IQGAP2: variants seen among roughly 807,000 people sequenced by gnomAD.
IQGAP2 encodes IQ motif containing GTPase activating protein 2.
IQGAP2 carries 173 observed loss-of-function variants against 201.3 expected under a neutral mutation model. The observed-to-expected ratio is 0.86, with a 90% CI of 0.76 to 0.98. The LOEUF (loss-of-function observed/expected upper bound fraction) is 0.98. IQGAP2 is among the 50% of genes least tolerant of loss of function. The pLI is 0.00. For synonymous variants in IQGAP2, 675 were observed against 673.9 expected, an observed-to-expected ratio of 1.00 and a Z score of -0.03; for missense variants, 1,687 against 1,864.8, an observed-to-expected ratio of 0.90 and a Z score of 1.76.
chr5:76,665,752 G>A (rs971916998), intron 22 of IQGAP2, among the ~76,000 whole-genome samples: 2 of 152,200 alleles, frequency 1.3e-5, no homozygotes, highest in African/African-American at 4.8e-5. Context: ...GTGTTGGTGA[G>A]AACTGATAAG....
chr5:76,416,738 G>A (rs536980158), intron 1 of IQGAP2, among the ~76,000 whole-genome samples: 6 of 152,278 alleles, frequency 3.9e-5, no homozygotes, highest in African/African-American at 1.2e-4. Flanking sequence ...ATATTGGCCA[G>A]GCTGGTCTCA....
At chr5:76,620,373 T>C (rs910847062) in intron 13 of IQGAP2, among the ~76,000 whole-genome samples, 1 of 151,994 alleles carries the variant, frequency 6.6e-6, no homozygotes, top group African/African-American at 2.4e-5. Flanking sequence ...TTGGTTCTGA[T>C]TGGCTTTGGG....
rs1747122951 is a variant in IQGAP2 at position 76,597,537 on chromosome 5, G to C, written c.1006G>C (p.Val336Leu). The C allele has an allele frequency of 6.2e-7, 1 of 1,613,786 alleles. No homozygotes were observed. The highest frequency in any genetic ancestry group is 8.5e-7 in the Non-Finnish European group (1 of 1,179,960). ...LKKPEAQLPA[V>L]YPFAAAMYQN... ...GAAACCAGAGGCCCAGCTGCCTGCT[G>C]TTTATCCCTTTGCTGCTGCCATGTA... The change falls in exon 10 of 36, where the codon GTT (valine) becomes CTT (leucine). Residue 336 changes from valine (V) to leucine (L), a missense_variant. Physicochemically the swap from Val to Leu is conservative, Grantham distance 32. Coordinates refer to ENST00000274364, the MANE Select transcript of IQGAP2 (RefSeq NM_006633.5).
intron 1 of IQGAP2, among the ~76,000 whole-genome samples, chr5:76,417,395 T>G (rs1018067125): frequency 6.6e-6 from 1 of 152,118 alleles, no homozygotes; most frequent in Admixed American, 6.5e-5. Flanking sequence ...GTTCAAGTGA[T>G]TCTCCTGCCT....
chr5:76,697,080 T>A (rs1746816488), intron 32 of IQGAP2, among the ~76,000 whole-genome samples: 1 of 152,204 alleles, frequency 6.6e-6, no homozygotes. Flanking sequence ...TGAAAAAAAC[T>A]TATATCTGCA....
chr5:76,668,705 C>T lies in IQGAP2; in HGVS notation c.2704C>T (p.Leu902=). ...LQTNPLYLAK[L]IFQMPQNKST... is the part of the protein sequence containing the mutation. ...GACCAACCCTTTATACTTGGCTAAG[C>T]TGATTTTCCAGATGCCACAGAACAA... The change falls in exon 23 of 36, where the codon CTG becomes TTG. Residue 902 remains leucine (L), a synonymous_variant. Transcript: ENST00000274364. The T allele has an allele frequency of 6.2e-7, 1 of 1,610,444 alleles. No homozygotes were observed. Among genetic ancestry groups the T allele is most frequent in the South Asian group, 1.1e-5 (1 of 89,956 alleles).
intron 2 of IQGAP2, among the ~76,000 whole-genome samples, chr5:76,478,009 T>C (rs1352139207): frequency 2.9e-5 from 4 of 138,608 alleles, no homozygotes; most frequent in African/African-American, 2.7e-5. Context: ...TTCAAAAGTT[T>C]ATAAAGTAAA....
At chr5:76,570,941 T>C (rs1257671622) in intron 4 of IQGAP2, among the ~76,000 whole-genome samples, 1 of 152,104 alleles carries the variant, frequency 6.6e-6, no homozygotes, top group Non-Finnish European at 1.5e-5. Flanking sequence ...CAACTCCCTT[T>C]CTTGTGTTGC....
At chr5:76,700,850 A>G (rs1747315935) in intron 33 of IQGAP2, among the ~76,000 whole-genome samples, 1 of 152,234 alleles carries the variant, frequency 6.6e-6, no homozygotes, top group African/African-American at 2.4e-5. Context: ...TTAGTCTGTA[A>G]TGCAAACTTC....
At chr5:76,620,736 A>T (rs1749573601) in intron 13 of IQGAP2, among the ~76,000 whole-genome samples, 1 of 152,138 alleles carries the variant, frequency 6.6e-6, no homozygotes, top group African/African-American at 2.4e-5. Context: ...TTTAGGGGTA[A>T]TGACAGATTT....
At chr5:76,458,867 T>C (rs1754256550) in intron 1 of IQGAP2, among the ~76,000 whole-genome samples, 1 of 152,158 alleles carries the variant, frequency 6.6e-6, no homozygotes, top group Admixed American at 6.6e-5. Flanking sequence ...CCCGATAAGA[T>C]ATTTTATTTT....
At chr5:76,678,474 A>G (rs969896245) in intron 28 of IQGAP2, among the ~76,000 whole-genome samples, 5 of 152,180 alleles carry the variant, frequency 3.3e-5, no homozygotes, top group African/African-American at 1.2e-4. Context: ...TTTCTTTTTA[A>G]GATCAATTGG....
chr5:76,654,140 ATTACT>A, intron 18 of IQGAP2, 55 bp from the exon 19 acceptor site: 1 of 1,163,800 alleles, frequency 8.6e-7, no homozygotes, highest in Non-Finnish European at 1.3e-6. Flanking sequence ...TTGTTTGGTG[ATTACT>A]TTGACTTTTC....
At chr5:76,674,059 A>G in intron 26 of IQGAP2, 23 bp downstream of exon 26, 1 of 1,304,428 alleles carries the variant, frequency 7.7e-7, no homozygotes, top group Non-Finnish European at 1.1e-6. Context: ...GGGTAATCTC[A>G]CCATAGCTTC....
At chr5:76,659,104 T>G (rs1167617412) in intron 21 of IQGAP2, among the ~76,000 whole-genome samples, 3 of 152,214 alleles carry the variant, frequency 2.0e-5, no homozygotes. Context: ...CTAAGTTCAT[T>G]TGGAATCTAA....
intron 1 of IQGAP2, among the ~76,000 whole-genome samples, chr5:76,451,410 T>C (rs1753735596): frequency 6.6e-6 from 1 of 152,132 alleles, no homozygotes; most frequent in Admixed American, 6.5e-5. Flanking sequence ...TTCCCTTCCA[T>C]TCATTCTCTT....
chr5:76,497,411 AT>A, intron 2 of IQGAP2, among the ~76,000 whole-genome samples: 1 of 152,230 alleles, frequency 6.6e-6, no homozygotes, highest in East Asian at 1.9e-4. Context: ...TTTTAAAAAA[AT>A]CTTTTCTAAA....
rs1031675244 is a variant in IQGAP2, at chr5:76,627,088, T to G, written c.1522-322T>G. On this transcript the variant is annotated intron_variant, in intron 13 of 35. Coordinates refer to ENST00000274364, the MANE Select transcript of IQGAP2 (RefSeq NM_006633.5). ...GAGTGGTGCACTGAGCTATCTATTT[T>G]GAAGGGATCCTCTGGGCCCTCTGTA... 7.9e-5 allele frequency among the ~76,000 whole-genome samples: 12 copies of G among 152,272 alleles called. 1 individual carries two copies. The East Asian group carries it at 2.1e-3, about 27-fold the overall frequency.
chr5:76,404,641 G>T (rs141441801), intron 1 of IQGAP2: 113 of 228,940 alleles, frequency 4.9e-4, no homozygotes, highest in Non-Finnish European at 7.6e-4. Context: ...CTGAAAAAGG[G>T]CTCCTCAACT....
Sources: gnomAD v4.1 joint callset for allele counts (sites outside exome capture counted in the v4.1 genomes callset) on GRCh38, gnomAD v4.1.1 for gene constraint, MANE v1.5 for transcripts, NCBI Gene and HGNC (gene_info 2026-07-23, HGNC 2026-07-21) for gene names.